UIMC1: variants seen among roughly 807,000 people sequenced by gnomAD.
UIMC1 encodes BRCA1-A complex subunit RAP80.
In UIMC1, 42 loss-of-function variants were observed where a neutral mutation model predicts 84.9. The ratio of observed to expected loss-of-function variants is 0.49; its 90% CI spans 0.39 to 0.64. The LOEUF is 0.64. UIMC1 is among the 30% of genes least tolerant of loss of function. UIMC1 has a pLI of 0.00. For synonymous variants in UIMC1, 281 were observed against 293.0 expected, an observed-to-expected ratio of 0.96 and a Z score of 0.42; for missense variants, 825 against 847.6, an observed-to-expected ratio of 0.97 and a Z score of 0.33.
intron 6 of UIMC1, among the ~76,000 whole-genome samples, chr5:176,962,006 C>G (rs1767545650): frequency 1.5e-5 from 1 of 68,798 alleles, no homozygotes. Context: ...GGTCAGCCCC[C>G]CTGCCCGGCC....
chr5:177,003,303 T>C (rs1007292764), intron 1 of UIMC1, among the ~76,000 whole-genome samples: 8 of 152,126 alleles, frequency 5.3e-5, no homozygotes, highest in Non-Finnish European at 1.2e-4. Context: ...CAAACATACT[T>C]TGAGTAGTAA....
chr5:176,971,366 C>T (rs1034451538), intron 3 of UIMC1, among the ~76,000 whole-genome samples: 6 of 152,054 alleles, frequency 3.9e-5, no homozygotes, highest in Non-Finnish European at 2.9e-5. Flanking sequence ...TAAAAGGAAC[C>T]GGGGTACACT....
chr5:176,989,803 A>C (rs1772537367), intron 1 of UIMC1, among the ~76,000 whole-genome samples: 2 of 152,184 alleles, frequency 1.3e-5, no homozygotes, highest in African/African-American at 4.8e-5. Flanking sequence ...AGATAACTAG[A>C]TATGACCTAT....
chr5:176,989,452 G>A (rs1450042999), intron 1 of UIMC1, among the ~76,000 whole-genome samples: 1 of 152,006 alleles, frequency 6.6e-6, no homozygotes, highest in East Asian at 1.9e-4. Flanking sequence ...CTGAGGACAA[G>A]AGTTTGAGAC....
chr5:176,924,092 T>G (rs1461671112), intron 10 of UIMC1, among the ~76,000 whole-genome samples: 4 of 151,500 alleles, frequency 2.6e-5, no homozygotes, highest in Non-Finnish European at 5.9e-5. Flanking sequence ...CCGAGGCAGG[T>G]GGATCACCTG....
At chr5:176,955,580 T>C (rs529581221) in intron 8 of UIMC1, among the ~76,000 whole-genome samples, 9 of 152,214 alleles carry the variant, frequency 5.9e-5, no homozygotes, top group African/African-American at 1.9e-4. Context: ...GCTGACAAAA[T>C]AATTTAAAAC....
intron 1 of UIMC1, among the ~76,000 whole-genome samples, chr5:176,995,537 CAAAAAAAA>C (rs57521139): frequency 1.1e-4 from 4 of 36,564 alleles, no homozygotes; most frequent in African/African-American, 2.1e-4. Context: ...ACTCTGTCTC[CAAAAAAAA>C]AAAAAAAAAA....
chr5:176,951,601 C>A, intron 8 of UIMC1, 24 bp from the exon 9 acceptor site: 2 of 1,505,630 alleles, frequency 1.3e-6, no homozygotes, highest in Non-Finnish European at 1.8e-6. Context: ...AAGTTAAAAT[C>A]CCATTAATTT....
intron 10 of UIMC1, among the ~76,000 whole-genome samples, chr5:176,922,745 TGAATTACTTTTA>T (rs1761860223): frequency 6.6e-6 from 1 of 152,246 alleles, no homozygotes; most frequent in Non-Finnish European, 1.5e-5. Flanking sequence ...TCAGAAGATA[TGAATTACTTTTA>T]AGTTCTACGT....
chr5:177,014,386 C>CAA (rs1775629839), intron 1 of UIMC1, among the ~76,000 whole-genome samples: 1 of 152,068 alleles, frequency 6.6e-6, no homozygotes, highest in African/African-American at 2.4e-5. Flanking sequence ...AATTTGGAAA[C>CAA]ACTTCTGAAA....
intron 1 of UIMC1, among the ~76,000 whole-genome samples, chr5:176,994,644 A>T (rs1175736196): frequency 1.3e-5 from 2 of 152,144 alleles, no homozygotes; most frequent in Non-Finnish European, 2.9e-5. Flanking sequence ...GCAGATTAAC[A>T]TCCAAAGGCT....
At position 176,982,617 on chromosome 5, in the gene UIMC1, C is replaced by CT. The variant is rs1561879057; in HGVS notation, c.-3dup. The CT allele has an allele frequency of 6.2e-7, 1 of 1,612,424 alleles. No individual in the cohort carries two copies. The highest frequency in any genetic ancestry group is 1.1e-5 in the South Asian group (1 of 90,818). On this transcript the variant is annotated 5_prime_UTR_variant, in exon 2 of 15. Coordinates refer to ENST00000511320, the MANE Select transcript of UIMC1 (RefSeq NM_001199298.2). ...AACTTTTTTCTTTCTCCGTGGCATC[C>CT]TTTTGTCTAGAATAAAAGGACAATA...
At chr5:176,954,456 C>A (rs529957074) in intron 8 of UIMC1, among the ~76,000 whole-genome samples, 1 of 152,172 alleles carries the variant, frequency 6.6e-6, no homozygotes, top group South Asian at 2.1e-4. Flanking sequence ...CCAACATAGG[C>A]TGAGCACGAT....
intron 6 of UIMC1, 91 bp downstream of exon 6, chr5:176,968,461 CAAG>C: frequency 2.0e-6 from 3 of 1,478,384 alleles, no homozygotes; most frequent in South Asian, 1.4e-5. Context: ...CTTTAATAAT[CAAG>C]GAGGGGAAGA....
upstream of UIMC1, among the ~76,000 whole-genome samples, chr5:177,010,224 G>T (rs548843337): frequency 1.3e-5 from 2 of 151,998 alleles, no homozygotes; most frequent in Admixed American, 6.6e-5. Flanking sequence ...TCAGAAAAAA[G>T]AAATGAAACA....
At chr5:176,910,132 C>A (rs1266505241) in intron 11 of UIMC1, among the ~76,000 whole-genome samples, 1 of 152,150 alleles carries the variant, frequency 6.6e-6, no homozygotes, top group Non-Finnish European at 1.5e-5. Flanking sequence ...CAGAAATATT[C>A]TTTTTTAAAA....
intron 8 of UIMC1, among the ~76,000 whole-genome samples, chr5:176,953,884 C>A (rs1468095735): frequency 6.6e-6 from 1 of 152,128 alleles, no homozygotes; most frequent in Admixed American, 6.5e-5. Context: ...GTCTACTACA[C>A]TAAATATGTG....
chr5:176,926,514 G>C (rs1762405960), intron 10 of UIMC1, among the ~76,000 whole-genome samples: 1 of 151,982 alleles, frequency 6.6e-6, no homozygotes, highest in Non-Finnish European at 1.5e-5. Flanking sequence ...GTGAGTGCTT[G>C]CAGTCCTAGC....
At chr5:176,956,689 G>A (rs948451628) in intron 7 of UIMC1, among the ~76,000 whole-genome samples, 2 of 151,754 alleles carry the variant, frequency 1.3e-5, no homozygotes, top group East Asian at 1.9e-4. Context: ...TGGCTGATCT[G>A]AGCATCTGAG....
Sources: allele counts gnomAD v4.1 joint callset (sites outside exome capture counted in the v4.1 genomes callset), GRCh38; gene constraint gnomAD v4.1.1; transcripts MANE v1.5; gene names NCBI Gene and HGNC (gene_info 2026-07-23, HGNC 2026-07-21).